YWHAQ: variants seen among roughly 807,000 people sequenced by gnomAD.
YWHAQ encodes tyrosine 3-monooxygenase/tryptophan 5-monooxygenase activation protein theta.
YWHAQ carries 6 observed loss-of-function variants against 28.3 expected under a neutral mutation model. The ratio of observed to expected loss-of-function variants is 0.21; its 90% confidence interval spans 0.12 to 0.42. The LOEUF (loss-of-function observed/expected upper bound fraction) is 0.42, where lower values mean the gene tolerates loss of function less well. Among genes scored for constraint, YWHAQ ranks in the 10% least tolerant of loss-of-function variants. YWHAQ has a pLI of 1.00. For synonymous variants in YWHAQ, 143 were observed against 119.1 expected, an observed-to-expected ratio of 1.20 and a Z score of -1.31; for missense variants, 201 against 305.6, an observed-to-expected ratio of 0.66 and a Z score of 2.55.
Position 9,592,150 on chromosome 2 carries a change from T to C in YWHAQ, c.295-635A>G, listed in dbSNP as rs114444949. On this transcript the variant is annotated intron_variant, in intron 2 of 5. Coordinates refer to ENST00000238081, the MANE Select transcript of YWHAQ (RefSeq NM_006826.4). ...GGAGAATAGTGCTACTCAGTGCCCT[T>C]TGCATTCAAGTATCCATCTAAAATG... is the stretch of plus-strand genomic sequence containing the variant. Among the ~76,000 whole-genome samples, 287 of 152,306 alleles carry C rather than the reference T, an allele frequency of 1.9e-3. 2 individuals carry two copies. The highest frequency in any genetic ancestry group is 6.7e-3 in the African/African-American group (277 of 41,568).
chr2:9,615,152 C>T (rs1402783098), intron 2 of YWHAQ: 3 of 152,124 alleles, frequency 2.0e-5, no homozygotes, highest in Non-Finnish European at 4.4e-5. Context: ...CTTAGGAAAC[C>T]GGTAAACTCC....
Position 9,585,437 on chromosome 2 carries a change from G to T in YWHAQ, c.679-92C>A, listed in dbSNP as rs914484072. Reference sequence around the variant, plus strand: ...TATATCAAAATTAACTACAAGAGTAGTAAATTCCTCAAACAATGGAGATCT... The same window carrying T: ...TATATCAAAATTAACTACAAGAGTATTAAATTCCTCAAACAATGGAGATCT... On this transcript the variant is annotated intron_variant, in intron 5 of 5. Coordinates refer to ENST00000238081, the MANE Select transcript of YWHAQ (RefSeq NM_006826.4). 88 of 1,399,086 alleles carry T rather than the reference G, an allele frequency of 6.3e-5. No homozygotes were observed. In the African/African-American group the frequency reaches 9.4e-4, roughly 15 times the overall value. 86.7% of individuals were successfully genotyped at this position (1,399,086 alleles called of 1,614,324 possible).
chr2:9,629,656 G>A (rs79672926), intron 2 of YWHAQ, among the ~76,000 whole-genome samples: 1,525 of 152,106 alleles, frequency 0.01, 21 homozygotes, highest in African/African-American at 0.035. Flanking sequence ...GGGGTGGGGG[G>A]GAGCACAACA....
intron 2 of YWHAQ, among the ~76,000 whole-genome samples, chr2:9,610,946 G>A (rs1666935153): frequency 6.6e-6 from 1 of 152,008 alleles, no homozygotes; most frequent in South Asian, 2.1e-4. Context: ...TCTTTCTTTG[G>A]ACTCATTCTC....
At chr2:9,604,590 G>GC (rs1572995479) in intron 2 of YWHAQ, among the ~76,000 whole-genome samples, 1 of 152,122 alleles carries the variant, frequency 6.6e-6, no homozygotes, top group Non-Finnish European at 1.5e-5. Context: ...CTCCCTATCA[G>GC]CAGGTTCTAC....
At position 9,591,524 on chromosome 2, in the gene YWHAQ, A is replaced by C; in HGVS notation, c.295-9T>G. The stretch of plus-strand genomic sequence containing the variant: ...TATTTATCCAACAATTCCTGAAATA[A>C]ATAAGACAGAACATTAGGCACTAAA... On this transcript the variant is annotated splice_polypyrimidine_tract_variant and intron_variant, in intron 2 of 5. Coordinates refer to ENST00000238081, the MANE Select transcript of YWHAQ (RefSeq NM_006826.4). 1 of 1,602,670 alleles carries C rather than the reference A, an allele frequency of 6.2e-7. No homozygotes were observed. The highest frequency in any genetic ancestry group is 2.2e-5 in the East Asian group (1 of 44,602).
chr2:9,622,028 G>A (rs1365982164), intron 2 of YWHAQ, among the ~76,000 whole-genome samples: 2 of 152,134 alleles, frequency 1.3e-5, no homozygotes, highest in East Asian at 3.9e-4. Context: ...ACACAGCGGG[G>A]ACTGTCAGGG....
At chr2:9,602,845 AAAAAAAAAAAAAAAAAAAT>A (rs1304252259) in intron 2 of YWHAQ, among the ~76,000 whole-genome samples, 15 of 31,064 alleles carry the variant, frequency 4.8e-4, no homozygotes, top group African/African-American at 2.1e-3. Flanking sequence ...AAAAAAAAAA[AAAAAAAAAAAAAAAAAAAT>A]ATATATATAT....
intron 2 of YWHAQ, among the ~76,000 whole-genome samples, chr2:9,622,706 T>C (rs926997361): frequency 6.6e-6 from 1 of 152,218 alleles, no homozygotes; most frequent in Admixed American, 6.5e-5. Context: ...GACACTCCTG[T>C]TTCATCTGTA....
intron 2 of YWHAQ, among the ~76,000 whole-genome samples, chr2:9,625,366 A>G (rs942894021): frequency 6.6e-6 from 1 of 152,116 alleles, no homozygotes; most frequent in African/African-American, 2.4e-5. Flanking sequence ...TTATTACACT[A>G]TTGTGTGTAT....
chr2:9,587,558 G>T, intron 4 of YWHAQ, 49 bp from the exon 5 acceptor site: 1 of 1,498,660 alleles, frequency 6.7e-7, no homozygotes, highest in South Asian at 1.3e-5. Context: ...GACGAAAACT[G>T]GTTATTCTAC....
chr2:9,623,531 TGGGAAGCCGAGGC>T (rs1393879862), intron 2 of YWHAQ, among the ~76,000 whole-genome samples: 1 of 152,164 alleles, frequency 6.6e-6, no homozygotes, highest in Non-Finnish European at 1.5e-5. Context: ...CCCAGCACTT[TGGGAAGCCGAGGC>T]GGGAGGATCA....
chr2:9,602,752 C>A (rs1666717671), intron 2 of YWHAQ, among the ~76,000 whole-genome samples: 1 of 146,840 alleles, frequency 6.8e-6, no homozygotes, highest in Non-Finnish European at 1.5e-5. Flanking sequence ...AGACTGGTAA[C>A]TCCTAGGCTC....
chr2:9,617,588 G>A (rs1030090637), intron 2 of YWHAQ, among the ~76,000 whole-genome samples: 1 of 152,144 alleles, frequency 6.6e-6, no homozygotes, highest in Non-Finnish European at 1.5e-5. Context: ...TGTAGCTTAA[G>A]AAGGGTTAAA....
At chr2:9,613,872 G>A (rs896378315) in intron 2 of YWHAQ, among the ~76,000 whole-genome samples, 3 of 152,230 alleles carry the variant, frequency 2.0e-5, no homozygotes, top group Non-Finnish European at 4.4e-5. Context: ...CTCAGGTACT[G>A]AGGTGCTGTG....
At chr2:9,597,441 T>A (rs1380764022) in intron 2 of YWHAQ, among the ~76,000 whole-genome samples, 1 of 151,682 alleles carries the variant, frequency 6.6e-6, no homozygotes, top group Non-Finnish European at 1.5e-5. Context: ...AGGTCAGGAG[T>A]TCGAGACCAC....
intron 2 of YWHAQ, among the ~76,000 whole-genome samples, chr2:9,599,543 T>A (rs1208578501): frequency 6.6e-6 from 1 of 151,996 alleles, no homozygotes; most frequent in Non-Finnish European, 1.5e-5. Flanking sequence ...AATCCTAGGG[T>A]CCTTAAGAAT....
chr2:9,619,265 T>C (rs903717396), intron 2 of YWHAQ, among the ~76,000 whole-genome samples: 1 of 152,134 alleles, frequency 6.6e-6, no homozygotes, highest in African/African-American at 2.4e-5. Flanking sequence ...ATAAGAAGGA[T>C]CACCTTCCAG....
At chr2:9,608,585 G>C (rs1666881573) in intron 2 of YWHAQ, among the ~76,000 whole-genome samples, 1 of 152,168 alleles carries the variant, frequency 6.6e-6, no homozygotes, top group African/African-American at 2.4e-5. Context: ...CAAAACTACT[G>C]TGTAAACAGA....
Sources: allele counts gnomAD v4.1 joint callset (sites outside exome capture counted in the v4.1 genomes callset), GRCh38; gene constraint gnomAD v4.1.1; transcripts MANE v1.5; gene names NCBI Gene and HGNC (gene_info 2026-07-23, HGNC 2026-07-21).